Variants in RBFOX1 observed in about 807,000 individuals in gnomAD.
The protein encoded by RBFOX1 is RNA binding protein fox-1 homolog 1.
A neutral mutation model predicts 57.7 loss-of-function variants in RBFOX1; 8 were observed. That is an observed-to-expected ratio of 0.14 (90% CI 0.08 to 0.25). RBFOX1 has a LOEUF of 0.25. Ranked by LOEUF, RBFOX1 falls within the 10% of genes least tolerant of loss-of-function variation. RBFOX1 has a pLI of 1.00. For synonymous variants in RBFOX1, 326 were observed against 222.4 expected, an observed-to-expected ratio of 1.47 and a Z score of -4.15; for missense variants, 611 against 548.5, an observed-to-expected ratio of 1.11 and a Z score of -1.14.
At chr16:6,394,491 A>G (rs2092737381) in intron 2 of RBFOX1, among the ~76,000 whole-genome samples, 1 of 139,210 alleles carries the variant, frequency 7.2e-6, no homozygotes, top group Admixed American at 7.8e-5. Context: ...CCCCCAGAAT[A>G]GCAGTGGGAA....
chr16:5,321,783 G>C (rs2064415542), intron 1 of RBFOX1, among the ~76,000 whole-genome samples: 1 of 152,158 alleles, frequency 6.6e-6, no homozygotes, highest in African/African-American at 2.4e-5. Flanking sequence ...AAGAGAATGT[G>C]CACGGCGTGT....
At chr16:5,524,138 C>T (rs1355123757) in intron 2 of RBFOX1, among the ~76,000 whole-genome samples, 1 of 152,130 alleles carries the variant, frequency 6.6e-6, no homozygotes, top group Non-Finnish European at 1.5e-5. Context: ...TCTGGGAGGA[C>T]CTATTTAAAG....
chr16:6,666,254 C>G (rs893606603), intron 3 of RBFOX1, among the ~76,000 whole-genome samples: 2 of 152,122 alleles, frequency 1.3e-5, no homozygotes, highest in African/African-American at 4.8e-5. Context: ...GTGACTGAGG[C>G]CGGGCACAGT....
intron 3 of RBFOX1, among the ~76,000 whole-genome samples, chr16:5,671,424 C>T (rs554060832): frequency 6.6e-6 from 1 of 152,146 alleles, no homozygotes; most frequent in Non-Finnish European, 1.5e-5. Flanking sequence ...TATATTTGTG[C>T]TGGAGATTAA....
At chr16:5,827,321 G>A (rs1052357938) in intron 3 of RBFOX1, among the ~76,000 whole-genome samples, 5 of 149,134 alleles carry the variant, frequency 3.4e-5, no homozygotes, top group Admixed American at 1.3e-4. Flanking sequence ...AATTGCTTGA[G>A]CCCAGGGGGC....
intron 4 of RBFOX1, among the ~76,000 whole-genome samples, chr16:7,218,671 T>TGTGCGTGG (rs2092466175): frequency 6.6e-6 from 1 of 150,770 alleles, no homozygotes; most frequent in African/African-American, 2.4e-5. Context: ...TGTGTGTGTG[T>TGTGCGTGG]GTGTGTGTGT....
intron 4 of RBFOX1, among the ~76,000 whole-genome samples, chr16:7,413,836 A>G (rs1053338518): frequency 4.6e-5 from 7 of 152,032 alleles, no homozygotes; most frequent in African/African-American, 1.2e-4. Context: ...CTTGGTTTCT[A>G]CCCTATAAAT....
At chr16:6,066,106 C>A (rs2095757540) in intron 1 of RBFOX1, among the ~76,000 whole-genome samples, 1 of 151,718 alleles carries the variant, frequency 6.6e-6, no homozygotes, top group South Asian at 2.1e-4. Context: ...CCCTGCTGGC[C>A]AACACGGTGA....
chr16:5,624,816 C>G (rs1403239968), intron 3 of RBFOX1, among the ~76,000 whole-genome samples: 1 of 152,196 alleles, frequency 6.6e-6, no homozygotes, highest in Non-Finnish European at 1.5e-5. Context: ...TCACAGAGCT[C>G]TTATGGCAGG....
rs2060495834 is a variant in RBFOX1, at chr16:7,089,594, TAAG to T, written c.27+37497_27+37499del. Among the ~76,000 whole-genome samples the T allele has an allele frequency of 2.6e-5, 4 of 152,328 alleles. 1 individual carries two copies. In the South Asian group the frequency reaches 6.2e-4, roughly 24 times the overall value. On this transcript the variant is annotated intron_variant, in intron 4 of 15. Coordinates refer to ENST00000550418, the MANE Select transcript of RBFOX1 (RefSeq NM_018723.4). ...TAGTCACACTCTTTCTCTGAGTTGT[TAAG>T]TAGTGTCTGTGATATTATTTATGAA...
At chr16:7,493,342 GT>G in intron 4 of RBFOX1, among the ~76,000 whole-genome samples, 1 of 152,320 alleles carries the variant, frequency 6.6e-6, no homozygotes, top group East Asian at 1.9e-4. Context: ...ATCTCAGCAA[GT>G]TTTATTGGAC....
intron 1 of RBFOX1, among the ~76,000 whole-genome samples, chr16:6,118,559 C>G (rs9936443): frequency 1.3e-5 from 2 of 151,868 alleles, no homozygotes; most frequent in Admixed American, 6.6e-5. Flanking sequence ...TGTTCTCTTC[C>G]TTTCTCTTTC....
intron 3 of RBFOX1, among the ~76,000 whole-genome samples, chr16:5,630,273 A>G (rs551125468): frequency 2.6e-5 from 4 of 152,148 alleles, no homozygotes; most frequent in African/African-American, 4.8e-5. Flanking sequence ...CCTGGGCAAC[A>G]TGGTGAAACC....
At chr16:7,228,463 A>C (rs1216293440) in intron 4 of RBFOX1, among the ~76,000 whole-genome samples, 2 of 152,194 alleles carry the variant, frequency 1.3e-5, no homozygotes, top group East Asian at 3.9e-4. Flanking sequence ...TGGCTATTCT[A>C]AATAGGTGTT....
chr16:7,550,441 G>A (rs75036617), intron 5 of RBFOX1, among the ~76,000 whole-genome samples: 1,748 of 152,270 alleles, frequency 0.011, 33 homozygotes, highest in African/African-American at 0.04. Context: ...TGTAGCAGCA[G>A]AGCCGTGTTG....
At chr16:6,255,786 C>G (rs901100889) in intron 1 of RBFOX1, among the ~76,000 whole-genome samples, 6 of 151,992 alleles carry the variant, frequency 3.9e-5, no homozygotes, top group African/African-American at 1.2e-4. Context: ...CCAACTAACA[C>G]AGGAACAAAA....
chr16:6,752,377 T>A (rs990608), intron 3 of RBFOX1, among the ~76,000 whole-genome samples: 144,105 of 152,270 alleles, frequency 0.95, 68,693 homozygotes, highest in East Asian at 1. Context: ...TCCATATGAG[T>A]AAAGTAGAGA....
At chr16:6,170,815 C>T (rs1410555367) in intron 1 of RBFOX1, among the ~76,000 whole-genome samples, 1 of 152,054 alleles carries the variant, frequency 6.6e-6, no homozygotes, top group Non-Finnish European at 1.5e-5. Flanking sequence ...CTCTTTAGTA[C>T]CGTTTATTAG....
intron 2 of RBFOX1, among the ~76,000 whole-genome samples, chr16:6,572,747 G>A (rs1239506428): frequency 6.6e-6 from 1 of 152,048 alleles, no homozygotes; most frequent in Non-Finnish European, 1.5e-5. Context: ...TGTGAGATAT[G>A]CACCCAGCTA....
Sources: gnomAD v4.1 joint callset for allele counts (sites outside exome capture counted in the v4.1 genomes callset) on GRCh38, gnomAD v4.1.1 for gene constraint, MANE v1.5 for transcripts, NCBI Gene and HGNC (gene_info 2026-07-23, HGNC 2026-07-21) for gene names.